TMC1: variants seen among roughly 807,000 people sequenced by gnomAD.
The protein encoded by TMC1 is transmembrane channel like 1.
TMC1 carries 84 observed loss-of-function variants against 105.8 expected under a neutral mutation model. The ratio of observed to expected loss-of-function variants is 0.79; its 90% confidence interval spans 0.67 to 0.95. TMC1 has a LOEUF of 0.95. Among genes scored for constraint, TMC1 ranks in the 40% least tolerant of loss-of-function variants. The pLI is 0.00. For missense variants in TMC1, 817 were observed against 914.1 expected (o/e 0.89, Z 1.37); for synonymous variants, 315 against 311.5 (o/e 1.01, Z -0.12).
At chr9:72,789,540 AG>A (rs1828230160) in intron 15 of TMC1, among the ~76,000 whole-genome samples, 1 of 152,166 alleles carries the variant, frequency 6.6e-6, no homozygotes, top group Admixed American at 6.5e-5. Flanking sequence ...AGTTAGAGTC[AG>A]AAAAGATATT....
intron 2 of TMC1, chr9:72,607,905 A>G: frequency 6.6e-6 from 1 of 152,294 alleles, no homozygotes; most frequent in South Asian, 2.1e-4. Context: ...AGCAAGAATG[A>G]AGGGGTCAGG....
chr9:72,597,445 C>T (rs1371140893), intron 2 of TMC1, among the ~76,000 whole-genome samples: 2 of 152,186 alleles, frequency 1.3e-5, no homozygotes, highest in African/African-American at 4.8e-5. Flanking sequence ...TGCTGTTCAC[C>T]TTCCATTAGA....
intron 15 of TMC1, among the ~76,000 whole-genome samples, chr9:72,791,407 A>G (rs1298101446): frequency 6.6e-6 from 1 of 152,216 alleles, no homozygotes; most frequent in Non-Finnish European, 1.5e-5. Flanking sequence ...AAAATTCAAT[A>G]TTTAGGCCTA....
intron 1 of TMC1, among the ~76,000 whole-genome samples, chr9:72,569,736 G>T (rs1824237558): frequency 1.3e-5 from 2 of 152,180 alleles, no homozygotes; most frequent in Non-Finnish European, 1.5e-5. Context: ...TCCAACCTGG[G>T]AAGCCAGGCT....
At chr9:72,638,959 T>G (rs1825580048) in intron 4 of TMC1, among the ~76,000 whole-genome samples, 1 of 152,238 alleles carries the variant, frequency 6.6e-6, no homozygotes, top group African/African-American at 2.4e-5. Flanking sequence ...TTCTGAAAAC[T>G]ATTTCTTTAC....
intron 13 of TMC1, among the ~76,000 whole-genome samples, chr9:72,776,940 T>C (rs1011546762): frequency 6.6e-6 from 1 of 152,126 alleles, no homozygotes; most frequent in African/African-American, 2.4e-5. Flanking sequence ...TAAAATAGTT[T>C]CTTGTCTGTT....
chr9:72,708,729 C>G (rs1221588732), intron 8 of TMC1, among the ~76,000 whole-genome samples: 1 of 152,116 alleles, frequency 6.6e-6, no homozygotes, highest in East Asian at 1.9e-4. Context: ...ACAGTTTCAC[C>G]TCTTTACCAA....
chr9:72,648,429 G>T (rs933146668), intron 4 of TMC1, among the ~76,000 whole-genome samples, 168 bp from the exon 5 acceptor site: 1 of 152,088 alleles, frequency 6.6e-6, no homozygotes, highest in African/African-American at 2.4e-5. Flanking sequence ...TGAGTACTCC[G>T]TCCCTTAAAT....
At chr9:72,643,135 CTTT>C (rs891269717) in intron 4 of TMC1, among the ~76,000 whole-genome samples, 1 of 151,800 alleles carries the variant, frequency 6.6e-6, no homozygotes, top group African/African-American at 2.4e-5. Context: ...TCCTTCCTTT[CTTT>C]TTTTCTTCTT....
intron 2 of TMC1, among the ~76,000 whole-genome samples, chr9:72,582,895 C>G (rs1486200441): frequency 2.0e-5 from 3 of 152,082 alleles, no homozygotes; most frequent in Non-Finnish European, 4.4e-5. Context: ...TTCCACAAAG[C>G]AGAAGCATAA....
intron 4 of TMC1, among the ~76,000 whole-genome samples, chr9:72,637,974 C>G (rs1359058790): frequency 6.6e-6 from 1 of 152,144 alleles, no homozygotes; most frequent in Non-Finnish European, 1.5e-5. Context: ...AGGGAAGTTT[C>G]TTGAATTGCT....
At chr9:72,646,715 C>A (rs1011449290) in intron 4 of TMC1, among the ~76,000 whole-genome samples, 4 of 151,902 alleles carry the variant, frequency 2.6e-5, no homozygotes, top group African/African-American at 7.3e-5. Flanking sequence ...CTCACTGCAA[C>A]CTCCAATGGG....
intron 23 of TMC1, among the ~76,000 whole-genome samples, chr9:72,833,323 A>G (rs1829071505): frequency 6.6e-6 from 1 of 152,170 alleles, no homozygotes; most frequent in Admixed American, 6.5e-5. Flanking sequence ...TCAGTGATGC[A>G]TTTAATTTCC....
chr9:72,753,097 C>T lies in TMC1; in HGVS notation c.642+1141C>T, dbSNP rs79918110. Among the ~76,000 whole-genome samples, 668 of 152,180 alleles carry T rather than the reference C, an allele frequency of 4.4e-3. 9 individuals are homozygous for T. The highest frequency in any genetic ancestry group is 0.014 in the African/African-American group (580 of 41,536). ...CTAGAACCCATGATTCAATCCCTTT[C>T]TCTAAGATTTTGCACTTTAATCCAC... On this transcript the variant is annotated intron_variant, in intron 11 of 23. Transcript: ENST00000297784.
intron 11 of TMC1, among the ~76,000 whole-genome samples, chr9:72,752,584 A>G (rs1244584389): frequency 1.3e-5 from 2 of 152,162 alleles, no homozygotes; most frequent in African/African-American, 4.8e-5. Context: ...TAATGTGGGG[A>G]AAGGGTCAGC....
At chr9:72,678,709 C>T (rs1341303045) in intron 5 of TMC1, among the ~76,000 whole-genome samples, 4 of 151,878 alleles carry the variant, frequency 2.6e-5, no homozygotes, top group African/African-American at 9.7e-5. Flanking sequence ...TTCATAAAGT[C>T]ATTAGTTTCA....
At chr9:72,555,623 T>G (rs2132074810) in intron 1 of TMC1, among the ~76,000 whole-genome samples, 1 of 152,126 alleles carries the variant, frequency 6.6e-6, no homozygotes, top group Admixed American at 6.6e-5. Context: ...GCCTCTGGAC[T>G]TAACTCTTTT....
In TMC1 at chr9:72,821,025, G is replaced by A. The variant is rs750971301; in HGVS notation, c.1947G>A (p.Met649Ile). ...MLLLILFLST[M>I]PVLYMIVSLP... ...TGCTCATCCTCTTCCTGTCCACAATGCCTGTCTTGTACATGATCGTGTCCC... is the reference window on the plus strand; with the variant it reads ...TGCTCATCCTCTTCCTGTCCACAATACCTGTCTTGTACATGATCGTGTCCC... Residue 649 changes from methionine to isoleucine, a missense_variant, in exon 20 of 24, where the codon ATG becomes ATA. Physicochemically the swap from Met to Ile is conservative, Grantham distance 10 (BLOSUM62 1). Coordinates refer to ENST00000297784, the MANE Select transcript of TMC1 (RefSeq NM_138691.3). 1.4e-5 allele frequency: 23 copies of A among 1,614,092 alleles called. No individual in the cohort carries two copies. Among genetic ancestry groups the A allele is most frequent in the Non-Finnish European group, 1.9e-5 (22 of 1,180,016 alleles).
At chr9:72,723,737 G>T (rs1827071094) in intron 8 of TMC1, among the ~76,000 whole-genome samples, 1 of 152,170 alleles carries the variant, frequency 6.6e-6, no homozygotes, top group Non-Finnish European at 1.5e-5. Flanking sequence ...AGGGAAGTCA[G>T]CTGTAAAACA....
Sources: gnomAD v4.1 joint callset for allele counts (sites outside exome capture counted in the v4.1 genomes callset) on GRCh38, gnomAD v4.1.1 for gene constraint, MANE v1.5 for transcripts, NCBI Gene and HGNC (gene_info 2026-07-23, HGNC 2026-07-21) for gene names.